Variants in CYP19A1 observed in about 807,000 individuals in gnomAD.
The protein encoded by CYP19A1 is aromatase.
A neutral mutation model predicts 44.4 loss-of-function variants in CYP19A1; 32 were observed. The ratio of observed to expected loss-of-function variants is 0.72; its 90% CI spans 0.54 to 0.97. The LOEUF (loss-of-function observed/expected upper bound fraction) is 0.97, where lower values mean the gene tolerates loss of function less well. Among genes scored for constraint, CYP19A1 ranks in the 50% least tolerant of loss-of-function variants. The pLI, the probability that CYP19A1 is intolerant of heterozygous loss-of-function variation, is 0.00. For synonymous variants in CYP19A1, 212 were observed against 215.6 expected (o/e 0.98, Z 0.14); for missense variants, 598 against 637.8 (o/e 0.94, Z 0.67).
chr15:51,213,560 A>G (rs2031247048), intron 8 of CYP19A1, among the ~76,000 whole-genome samples: 1 of 152,126 alleles, frequency 6.6e-6, no homozygotes. Context: ...AAGATGATGG[A>G]GAAGGTGACC....
intron 3 of CYP19A1, among the ~76,000 whole-genome samples, chr15:51,233,250 T>A (rs1256637431): frequency 6.6e-6 from 1 of 152,208 alleles, no homozygotes; most frequent in African/African-American, 2.4e-5. Flanking sequence ...TGACCAACTA[T>A]CCTGGTTTGC....
intron 1 of CYP19A1, among the ~76,000 whole-genome samples, chr15:51,285,636 A>T (rs1326433793): frequency 2.6e-5 from 4 of 152,152 alleles, no homozygotes; most frequent in Non-Finnish European, 5.9e-5. Context: ...CTGGAAAAAC[A>T]TGCTCCCCAT....
intron 1 of CYP19A1, among the ~76,000 whole-genome samples, chr15:51,263,724 C>T (rs2034814588): frequency 6.6e-6 from 1 of 152,186 alleles, no homozygotes; most frequent in African/African-American, 2.4e-5. Flanking sequence ...ATCCAATGGA[C>T]CCATCCAATC....
intron 1 of CYP19A1, among the ~76,000 whole-genome samples, chr15:51,311,625 C>T (rs182840904): frequency 2.6e-5 from 4 of 152,300 alleles, no homozygotes; most frequent in Admixed American, 6.5e-5. Flanking sequence ...TCAAGTAGCT[C>T]GTTAAACCTC....
intron 3 of CYP19A1, among the ~76,000 whole-genome samples, chr15:51,232,537 G>A (rs1009049867): frequency 6.6e-6 from 1 of 152,144 alleles, no homozygotes; most frequent in Admixed American, 6.5e-5. Context: ...AATCTAACAT[G>A]TCTGGAATGG....
intron 2 of CYP19A1, among the ~76,000 whole-genome samples, chr15:51,241,245 T>C (rs1035295740): frequency 5.9e-5 from 9 of 152,176 alleles, no homozygotes; most frequent in Admixed American, 1.3e-4. Context: ...CCAAGGAAAT[T>C]CCACCAGTGC....
intron 3 of CYP19A1, among the ~76,000 whole-genome samples, chr15:51,233,297 A>G (rs1275512652): frequency 6.6e-6 from 1 of 152,214 alleles, no homozygotes; most frequent in Non-Finnish European, 1.5e-5. Flanking sequence ...AAAGTCCCAC[A>G]TCCTGGGAAA....
At chr15:51,332,265 A>G (rs1595790035) in intron 1 of CYP19A1, among the ~76,000 whole-genome samples, 2 of 152,204 alleles carry the variant, frequency 1.3e-5, no homozygotes, top group East Asian at 3.9e-4. Context: ...TTATACCAAC[A>G]TAAGAGTCCA....
At position 51,227,800 on chromosome 15, in the gene CYP19A1, T is replaced by C; in HGVS notation, c.430A>G (p.Thr144Ala). The C allele has an allele frequency of 1.3e-6, 2 of 1,539,368 alleles. No individual in the cohort carries two copies. The highest frequency in any genetic ancestry group is 1.8e-6 in the Non-Finnish European group (2 of 1,112,154). The change falls in exon 4 of 10, where the codon ACT (threonine) becomes GCT (alanine). Residue 144 changes from threonine (T) to alanine (A), a missense_variant. Coordinates refer to ENST00000396402, the MANE Select transcript of CYP19A1 (RefSeq NM_000103.4). Reference sequence around the variant, plus strand: ...TTACCTTTCATAAAGAAGGGTCGAGTTGTTTTCCAGAGCTCTGGATTGTTG... The same window carrying C: ...TTACCTTTCATAAAGAAGGGTCGAGCTGTTTTCCAGAGCTCTGGATTGTTG... ...FNNNPELWKT[T>A]RPFFMKALSG...
At chr15:51,329,000 A>G (rs1052568006) in intron 1 of CYP19A1, among the ~76,000 whole-genome samples, 3 of 151,856 alleles carry the variant, frequency 2.0e-5, no homozygotes, top group Non-Finnish European at 2.9e-5. Flanking sequence ...CCAGGCCTAC[A>G]CTCTCGTAGG....
chr15:51,295,326 C>T lies in CYP19A1; in HGVS notation c.-39+43169G>A, dbSNP rs186702930. 1.6e-4 allele frequency among the ~76,000 whole-genome samples: 24 copies of T among 152,182 alleles called. No homozygotes were observed. In the East Asian group the frequency reaches 2.1e-3, roughly 13 times the overall value. On this transcript the variant is annotated intron_variant, in intron 1 of 9. Coordinates refer to ENST00000396402, the MANE Select transcript of CYP19A1 (RefSeq NM_000103.4). ...GCAATGCACAGGAGCGCAGACCAGCCGCACTCCAGCCCCTCTTCTCTCAGT... is the reference window on the plus strand; with the variant it reads ...GCAATGCACAGGAGCGCAGACCAGCTGCACTCCAGCCCCTCTTCTCTCAGT...
rs537908001 is a variant in CYP19A1, at chr15:51,288,926, A to G, written c.-38-45976T>C. On this transcript the variant is annotated intron_variant, in intron 1 of 9. Coordinates refer to ENST00000396402, the MANE Select transcript of CYP19A1 (RefSeq NM_000103.4). ...CTTGCCAAGCTTCATTATGAGCAAA[A>G]GATCTGCAATGTGGCAGTGACCTCC... 1.4e-4 allele frequency among the ~76,000 whole-genome samples: 21 copies of G among 152,360 alleles called. No homozygotes were observed. In the South Asian group the frequency reaches 1.9e-3, roughly 14 times the overall value.
intron 1 of CYP19A1, among the ~76,000 whole-genome samples, chr15:51,323,474 T>C (rs2036559804): frequency 6.6e-6 from 1 of 151,970 alleles, no homozygotes; most frequent in South Asian, 2.1e-4. Flanking sequence ...CACAAAATTT[T>C]TGGATTTGGA....
At chr15:51,333,273 G>A (rs1219745020) in intron 1 of CYP19A1, among the ~76,000 whole-genome samples, 1 of 152,122 alleles carries the variant, frequency 6.6e-6, no homozygotes, top group African/African-American at 2.4e-5. Context: ...TTCTCAGAAG[G>A]GACAAAAATG....
chr15:51,319,785 G>A (rs1419794683), intron 1 of CYP19A1, among the ~76,000 whole-genome samples: 1 of 152,242 alleles, frequency 6.6e-6, no homozygotes, highest in Non-Finnish European at 1.5e-5. Flanking sequence ...GACAGCAAAA[G>A]ACAGTGGCAG....
intron 1 of CYP19A1, among the ~76,000 whole-genome samples, chr15:51,275,580 G>C (rs180877733): frequency 6.6e-6 from 1 of 152,274 alleles, no homozygotes; most frequent in Non-Finnish European, 1.5e-5. Context: ...GTGTGAAATG[G>C]GGACACGGAG....
intron 1 of CYP19A1, among the ~76,000 whole-genome samples, chr15:51,252,085 A>C (rs903699459): frequency 2.6e-5 from 4 of 152,060 alleles, no homozygotes; most frequent in Admixed American, 2.6e-4. Context: ...TAGGCCAGCC[A>C]GTGGTGCCTG....
At chr15:51,242,347 T>A in intron 2 of CYP19A1, 2 of 264,766 alleles carry the variant, frequency 7.6e-6, no homozygotes, top group East Asian at 1.0e-4. Context: ...AGAGGGGGCA[T>A]GGCGGAAACA....
chr15:51,210,673 C>T lies in CYP19A1; in HGVS notation c.*135G>A, dbSNP rs1323616759. 1 of 773,508 alleles carries T rather than the reference C, an allele frequency of 1.3e-6. No homozygotes were observed. The highest frequency in any genetic ancestry group is 1.7e-5 in the African/African-American group (1 of 59,140). The allele number at this position is 773,508 out of a possible 1,614,324, so 47.9% of individuals were successfully genotyped here. A position where few individuals can be genotyped will look rare whatever the true frequency, so the allele number is the denominator to read the frequency against. ...AATAGCACCTAGCTTGGTGACAACC[C>T]ATAGGAGGTATGCCTATAAAATGCC... On this transcript the variant is annotated 3_prime_UTR_variant, in exon 10 of 10. Coordinates refer to ENST00000396402, the MANE Select transcript of CYP19A1 (RefSeq NM_000103.4).
Sources: allele counts gnomAD v4.1 joint callset (sites outside exome capture counted in the v4.1 genomes callset), GRCh38; gene constraint gnomAD v4.1.1; transcripts MANE v1.5; gene names NCBI Gene and HGNC (gene_info 2026-07-23, HGNC 2026-07-21).